The following LRRC4C variants were observed in gnomAD, a reference collection of about 807,000 sequenced individuals.
The protein encoded by LRRC4C is leucine-rich repeat-containing protein 4C.
In LRRC4C, 5 loss-of-function variants were observed where a neutral mutation model predicts 33.6. The observed-to-expected ratio is 0.15, with a 90% CI of 0.08 to 0.31. The LOEUF (loss-of-function observed/expected upper bound fraction) is 0.31. LRRC4C is among the 10% of genes least tolerant of loss of function. The pLI, the probability that LRRC4C is intolerant of heterozygous loss-of-function variation, is 1.00. For missense variants in LRRC4C, 560 were observed against 796.7 expected (o/e 0.70, Z 3.58); for synonymous variants, 329 against 302.0 (o/e 1.09, Z -0.93).
At chr11:41,372,377 A>G (rs2137798177) in intron 1 of LRRC4C, among the ~76,000 whole-genome samples, 1 of 152,332 alleles carries the variant, frequency 6.6e-6, no homozygotes, top group Middle Eastern at 3.4e-3. Context: ...CTTGAGTATA[A>G]TTATGTCCTT....
intron 1 of LRRC4C, among the ~76,000 whole-genome samples, chr11:41,203,811 G>A (rs1946491933): frequency 1.3e-5 from 2 of 152,162 alleles, no homozygotes. Context: ...AGTGTTACTA[G>A]AGCAGAGAAG....
chr11:40,372,641 A>T (rs1590494701), intron 3 of LRRC4C, among the ~76,000 whole-genome samples: 1 of 152,294 alleles, frequency 6.6e-6, no homozygotes, highest in East Asian at 1.9e-4. Flanking sequence ...CTAACACCCC[A>T]GTCATCCTGG....
intron 1 of LRRC4C, among the ~76,000 whole-genome samples, chr11:41,263,029 C>T (rs566465471): frequency 6.7e-4 from 102 of 152,192 alleles, no homozygotes; most frequent in Non-Finnish European, 6.6e-4. Flanking sequence ...AAAACGACAA[C>T]GACAACAAGC....
intron 2 of LRRC4C, among the ~76,000 whole-genome samples, chr11:40,847,186 G>A (rs1018552833): frequency 3.3e-5 from 5 of 152,066 alleles, no homozygotes. Flanking sequence ...ATACTATGTT[G>A]AATAGGAGTG....
intron 1 of LRRC4C, among the ~76,000 whole-genome samples, chr11:40,975,207 T>C (rs762002636): frequency 1.3e-4 from 20 of 152,312 alleles, no homozygotes; most frequent in Non-Finnish European, 2.8e-4. Context: ...CAAGCACATA[T>C]GTGATATCAT....
At chr11:41,292,101 A>G (rs1950009503) in intron 1 of LRRC4C, among the ~76,000 whole-genome samples, 1 of 152,162 alleles carries the variant, frequency 6.6e-6, no homozygotes, top group Non-Finnish European at 1.5e-5. Context: ...TGCTGTGTTG[A>G]TAACAGGTTT....
intron 1 of LRRC4C, among the ~76,000 whole-genome samples, chr11:41,262,653 TTTTTA>T (rs1206202225): frequency 6.6e-6 from 1 of 152,152 alleles, no homozygotes; most frequent in Admixed American, 6.6e-5. Flanking sequence ...AAGTCCTTAT[TTTTTA>T]TTTTATTTTA....
At chr11:40,255,683 A>G (rs576226621) in intron 4 of LRRC4C, among the ~76,000 whole-genome samples, 4 of 152,188 alleles carry the variant, frequency 2.6e-5, no homozygotes, top group African/African-American at 7.2e-5. Flanking sequence ...TCATTCACAC[A>G]ATGGGAAGAG....
Position 40,276,393 on chromosome 11 carries a change from A to G in LRRC4C, c.-175-34795T>C, listed in dbSNP as rs531003356. Among the ~76,000 whole-genome samples, 9 of 152,238 alleles carry G rather than the reference A, an allele frequency of 5.9e-5. No homozygotes were observed. The South Asian group carries it at 1.9e-3, about 32-fold the overall frequency. ...CTCCAGTCGTCTTCCATTTGTCTTT[A>G]AAAAGTCCTAGATTTAGGGATAAGA... On this transcript the variant is annotated intron_variant, in intron 4 of 6. Transcript: ENST00000528697.
chr11:40,437,035 A>G (rs1951170817), intron 3 of LRRC4C, among the ~76,000 whole-genome samples: 1 of 152,166 alleles, frequency 6.6e-6, no homozygotes, highest in Admixed American at 6.5e-5. Context: ...AGGGATTAAA[A>G]GCATTGTTAT....
chr11:40,594,477 C>G (rs1214951291), intron 3 of LRRC4C, among the ~76,000 whole-genome samples: 1 of 152,152 alleles, frequency 6.6e-6, no homozygotes, highest in South Asian at 2.1e-4. Flanking sequence ...CTTCTGATGC[C>G]TCCCTAATTA....
chr11:41,338,243 C>T (rs1468249416), intron 1 of LRRC4C, among the ~76,000 whole-genome samples: 1 of 152,162 alleles, frequency 6.6e-6, no homozygotes, highest in African/African-American at 2.4e-5. Flanking sequence ...TACATGCACA[C>T]ATATGTTTAT....
At chr11:40,439,896 A>G (rs1043795039) in intron 3 of LRRC4C, among the ~76,000 whole-genome samples, 4 of 152,220 alleles carry the variant, frequency 2.6e-5, no homozygotes, top group Non-Finnish European at 4.4e-5. Flanking sequence ...TGCTAGACCA[A>G]GGGTAGGCAA....
At chr11:40,601,309 G>C (rs953537471) in intron 3 of LRRC4C, among the ~76,000 whole-genome samples, 10 of 152,148 alleles carry the variant, frequency 6.6e-5, no homozygotes, top group African/African-American at 2.4e-4. Context: ...AGTACTACCA[G>C]CTCTTCACTA....
chr11:40,825,874 A>G (rs1308263147), intron 2 of LRRC4C, among the ~76,000 whole-genome samples: 1 of 151,278 alleles, frequency 6.6e-6, no homozygotes, highest in Non-Finnish European at 1.5e-5. Flanking sequence ...TAAGAAAAAA[A>G]AAAGAAAAAA....
chr11:40,633,325 T>TTTTCTTTC lies in LRRC4C; in HGVS notation c.-270+14809_-270+14816dup, dbSNP rs1555125485. Among the ~76,000 whole-genome samples, 162 of 112,240 alleles carry TTTTCTTTC rather than the reference T, an allele frequency of 1.4e-3. 4 individuals carry two copies. The highest frequency in any genetic ancestry group is 2.5e-3 in the African/African-American group (82 of 32,996). The allele number at this position is 112,240 out of a possible 152,430, so 73.6% of individuals were successfully genotyped here. ...AAATCTTAGCTCAGCCAAGTTTTCTTTTTCTTTCTTTCTTTCTTTCTTTCT... is the reference window on the plus strand; with the variant it reads ...AAATCTTAGCTCAGCCAAGTTTTCTTTTTCTTTCTTTCTTTCTTTCTTTCTTTCTTTCT... On this transcript the variant is annotated intron_variant, in intron 3 of 6. Transcript: ENST00000528697.
intron 2 of LRRC4C, among the ~76,000 whole-genome samples, chr11:40,671,730 A>G (rs1944129620): frequency 9.0e-6 from 1 of 111,352 alleles, no homozygotes; most frequent in African/African-American, 3.1e-5. Context: ...ATAGTAATAT[A>G]TAATTATCTC....
rs149434683 is a variant in LRRC4C at position 40,455,689 on chromosome 11, C to T, written c.-269-135968G>A. ...CATTCTCTTTTTGCAGACATTGTTG[C>T]CTTCAGAATTCATCAAAACCATGTA... is the stretch of plus-strand genomic sequence containing the variant. On this transcript the variant is annotated intron_variant, in intron 3 of 6. Coordinates refer to ENST00000528697, the MANE Select transcript of LRRC4C (RefSeq NM_001258419.2). Among the ~76,000 whole-genome samples, 22 of 152,192 alleles carry T rather than the reference C, an allele frequency of 1.4e-4. 1 individual carries two copies. In the East Asian group the frequency reaches 3.7e-3, roughly 25 times the overall value.
chr11:41,420,452 G>C (rs1176431727), intron 1 of LRRC4C, among the ~76,000 whole-genome samples: 1 of 151,998 alleles, frequency 6.6e-6, no homozygotes, highest in Non-Finnish European at 1.5e-5. Context: ...CCCATAAAAG[G>C]CTGCACATGG....
Sources: allele counts gnomAD v4.1 joint callset (sites outside exome capture counted in the v4.1 genomes callset), GRCh38; gene constraint gnomAD v4.1.1; transcripts MANE v1.5; gene names NCBI Gene and HGNC (gene_info 2026-07-23, HGNC 2026-07-21).